CTNNA2: variants seen among roughly 807,000 people sequenced by gnomAD.
CTNNA2 encodes catenin alpha-2.
CTNNA2 carries 42 observed loss-of-function variants against 101.0 expected under a neutral mutation model. The observed-to-expected ratio is 0.42, with a 90% CI of 0.32 to 0.54. The LOEUF (loss-of-function observed/expected upper bound fraction) is 0.54, where lower values mean the gene tolerates loss of function less well. CTNNA2 is among the 20% of genes least tolerant of loss of function. The pLI, the probability that CTNNA2 is intolerant of heterozygous loss-of-function variation, is 0.14. For missense variants in CTNNA2, 871 were observed against 1,223.1 expected (o/e 0.71, Z 4.29); for synonymous variants, 450 against 456.4 (o/e 0.99, Z 0.18).
chr2:79,199,091 T>C (rs1034260475), intron 2 of CTNNA2, among the ~76,000 whole-genome samples: 4 of 152,250 alleles, frequency 2.6e-5, no homozygotes, highest in African/African-American at 9.6e-5. Context: ...TTATCAGTTA[T>C]CTACAATTTA....
At chr2:80,179,715 A>T (rs181885480) in intron 7 of CTNNA2, among the ~76,000 whole-genome samples, 84 of 152,270 alleles carry the variant, frequency 5.5e-4, no homozygotes, top group Admixed American at 2.7e-3. Context: ...TGATGATGGC[A>T]CTGATCTCTG....
At chr2:80,067,242 A>C (rs1698046940) in intron 7 of CTNNA2, among the ~76,000 whole-genome samples, 1 of 152,188 alleles carries the variant, frequency 6.6e-6, no homozygotes, top group Non-Finnish European at 1.5e-5. Context: ...TCACAAAAAA[A>C]TGAAAAGTAT....
At chr2:79,676,851 T>G (rs958670882) in intron 2 of CTNNA2, among the ~76,000 whole-genome samples, 5 of 152,334 alleles carry the variant, frequency 3.3e-5, no homozygotes, top group African/African-American at 1.2e-4. Flanking sequence ...ATAAATTTCT[T>G]CTCAGGAGTC....
At chr2:80,555,936 A>G (rs1692991716) in intron 12 of CTNNA2, 43 bp downstream of exon 12, 2 of 1,246,926 alleles carry the variant, frequency 1.6e-6, no homozygotes, top group Middle Eastern at 2.5e-4. Flanking sequence ...TAATGCCTTG[A>G]TTAGTTTCTA....
At chr2:79,315,877 A>G (rs1164364274) in intron 3 of CTNNA2, among the ~76,000 whole-genome samples, 2 of 152,182 alleles carry the variant, frequency 1.3e-5, no homozygotes, top group East Asian at 1.9e-4. Context: ...CCCACCAGCA[A>G]TTCATAAGGA....
chr2:79,573,048 G>A (rs538570952), intron 1 of CTNNA2, among the ~76,000 whole-genome samples: 4 of 152,004 alleles, frequency 2.6e-5, no homozygotes, highest in South Asian at 2.1e-4. Context: ...CACTCTATAC[G>A]GCATTTCCTT....
At chr2:79,809,628 G>T (rs1676850455) in intron 3 of CTNNA2, among the ~76,000 whole-genome samples, 1 of 152,012 alleles carries the variant, frequency 6.6e-6, no homozygotes, top group Non-Finnish European at 1.5e-5. Flanking sequence ...CCATCTTTTG[G>T]TGGGGTGGTT....
chr2:79,391,196 T>C (rs1678168165), intron 4 of CTNNA2, among the ~76,000 whole-genome samples: 1 of 152,068 alleles, frequency 6.6e-6, no homozygotes, highest in Admixed American at 6.6e-5. Flanking sequence ...TTGAAAAATA[T>C]GGGTTTTAAT....
chr2:79,874,484 A>C (rs1574195715), intron 6 of CTNNA2, 142 bp downstream of exon 6: 1 of 1,033,406 alleles, frequency 9.7e-7, no homozygotes, highest in East Asian at 2.5e-5. Flanking sequence ...AAACTACATA[A>C]TGCATTTCTG....
chr2:79,213,045 G>A (rs1451727388), intron 2 of CTNNA2, among the ~76,000 whole-genome samples: 1 of 152,206 alleles, frequency 6.6e-6, no homozygotes, highest in Non-Finnish European at 1.5e-5. Context: ...TGTGAGGCTG[G>A]AAGGAGATAT....
At chr2:79,203,417 T>G (rs1674062748) in intron 2 of CTNNA2, among the ~76,000 whole-genome samples, 1 of 152,054 alleles carries the variant, frequency 6.6e-6, no homozygotes, top group Admixed American at 6.6e-5. Flanking sequence ...CACAAACATA[T>G]AGAGTCAAGA....
chr2:80,491,882 C>CCGTATA (rs1687092066), intron 9 of CTNNA2, among the ~76,000 whole-genome samples: 1 of 152,006 alleles, frequency 6.6e-6, no homozygotes, highest in African/African-American at 2.4e-5. Context: ...CAGAGCCAAC[C>CCGTATA]CGTATACTCC....
intron 3 of CTNNA2, among the ~76,000 whole-genome samples, chr2:79,748,646 AC>A (rs1172978178): frequency 6.6e-6 from 1 of 152,056 alleles, no homozygotes; most frequent in Admixed American, 6.5e-5. Flanking sequence ...CATTATAATT[AC>A]CCCATCTGTC....
intron 2 of CTNNA2, among the ~76,000 whole-genome samples, chr2:79,709,758 A>T (rs779977781): frequency 2.6e-5 from 4 of 152,096 alleles, no homozygotes; most frequent in Admixed American, 1.3e-4. Flanking sequence ...GAGAAATAGG[A>T]TGGGGTAGGG....
intron 7 of CTNNA2, among the ~76,000 whole-genome samples, chr2:80,222,844 T>C (rs76108269): frequency 0.029 from 4,466 of 152,326 alleles, 65 homozygotes; most frequent in East Asian, 0.05. Flanking sequence ...CAATATAATA[T>C]GTCAGCATTT....
At chr2:79,195,933 G>T (rs1440121391) in intron 1 of CTNNA2, 1 of 437,284 alleles carries the variant, frequency 2.3e-6, no homozygotes, top group Non-Finnish European at 4.5e-6. Context: ...GATGAACTCA[G>T]TTTTTTGTTT....
intron 8 of CTNNA2, among the ~76,000 whole-genome samples, chr2:80,399,871 A>T (rs898446089): frequency 6.6e-6 from 1 of 152,230 alleles, no homozygotes; most frequent in Non-Finnish European, 1.5e-5. Context: ...AATATTTTCA[A>T]CCATGGTGAC....
At chr2:80,422,147 G>C (rs1328097811) in intron 9 of CTNNA2, among the ~76,000 whole-genome samples, 1 of 152,168 alleles carries the variant, frequency 6.6e-6, no homozygotes, top group African/African-American at 2.4e-5. Context: ...TTACACATAT[G>C]TGGGGAGGCC....
At chr2:79,286,730 G>C (rs1337496327) in intron 2 of CTNNA2, among the ~76,000 whole-genome samples, 1 of 151,930 alleles carries the variant, frequency 6.6e-6, no homozygotes, top group Admixed American at 6.6e-5. Flanking sequence ...ACAATTATGT[G>C]TCTTGGAGTT....
Sources: gnomAD v4.1 joint callset for allele counts (sites outside exome capture counted in the v4.1 genomes callset) on GRCh38, gnomAD v4.1.1 for gene constraint, MANE v1.5 for transcripts, NCBI Gene and HGNC (gene_info 2026-07-23, HGNC 2026-07-21) for gene names.